Variants in NCR1 observed in about 807,000 individuals in gnomAD.
The protein encoded by NCR1 is NK cell-activating receptor.
Under a neutral mutation model 32.5 loss-of-function variants are expected in NCR1, and 30 were observed. The observed-to-expected ratio is 0.92, with a 90% CI of 0.69 to 1.25. NCR1 has a LOEUF of 1.25. NCR1 is among the 50% of genes most tolerant of loss of function. The pLI is 0.00. For missense variants in NCR1, 369 were observed against 380.7 expected (o/e 0.97, Z 0.26); for synonymous variants, 169 against 143.4 (o/e 1.18, Z -1.28).
chr19:54,918,185 G>A (rs1473360965), downstream of NCR1, among the ~76,000 whole-genome samples: 1 of 151,998 alleles, frequency 6.6e-6, no homozygotes. Context: ...TCCCGCCTCG[G>A]CCTCTCAAAG....
At chr19:54,920,258 C>T (rs1260467229), downstream of NCR1, among the ~76,000 whole-genome samples, 1 of 152,086 alleles carries the variant, frequency 6.6e-6, no homozygotes, top group Non-Finnish European at 1.5e-5. Context: ...GTGATTTTGT[C>T]CCCATGGGGG....
intron 1 of NCR1, 33 bp from the exon 2 acceptor site, chr19:54,906,266 G>A (rs1182815415): frequency 4.3e-6 from 7 of 1,614,138 alleles, no homozygotes; most frequent in African/African-American, 1.3e-5. Context: ...GTGTGCCTGG[G>A]AGGCAACAGG....
chr19:54,934,612 T>C, the NCR1 span: 48 of 1,613,892 alleles, frequency 3.0e-5, no homozygotes, highest in East Asian at 2.0e-4. The surrounding 1 kb of genome is among the most constrained non-coding windows in gnomAD (Gnocchi z 6.7). Context: ...TTTGAGGACA[T>C]AGAAGAATTC....
At chr19:54,918,975 A>C (rs1051827671), downstream of NCR1, among the ~76,000 whole-genome samples, 1 of 141,516 alleles carries the variant, frequency 7.1e-6, no homozygotes, top group African/African-American at 2.9e-5. Flanking sequence ...CAAGAGCAAA[A>C]CTGTCTTAAA....
At chr19:54,899,606 C>G in the NCR1 span, among the ~76,000 whole-genome samples, 1 of 151,912 alleles carries the variant, frequency 6.6e-6, no homozygotes, top group African/African-American at 2.4e-5. Flanking sequence ...ATTCTTGCCC[C>G]CTAGAAAAGC....
chr19:54,922,214 T>A, the NCR1 span, among the ~76,000 whole-genome samples: 1 of 152,054 alleles, frequency 6.6e-6, no homozygotes, highest in Non-Finnish European at 1.5e-5. Flanking sequence ...AATAGTCTCA[T>A]CACCTACCGC....
chr19:54,916,700 C>CTGTTT (rs1378103452), downstream of NCR1, among the ~76,000 whole-genome samples: 1 of 106,482 alleles, frequency 9.4e-6, no homozygotes, highest in Non-Finnish European at 1.9e-5. Flanking sequence ...ATCAACTGTT[C>CTGTTT]TATTTTTTTT....
At chr19:54,916,372 G>A (rs2146106054), downstream of NCR1, among the ~76,000 whole-genome samples, 1 of 141,912 alleles carries the variant, frequency 7.0e-6, no homozygotes, top group African/African-American at 2.7e-5. Flanking sequence ...CCAGGCTGGA[G>A]TGCAGTGGCG....
chr19:54,898,558 G>C, the NCR1 span, among the ~76,000 whole-genome samples: 1 of 152,166 alleles, frequency 6.6e-6, no homozygotes. Flanking sequence ...TCTTGTTGTG[G>C]GGTTTGAGGG....
At chr19:54,933,336 A>G in the NCR1 span, among the ~76,000 whole-genome samples, 2 of 152,000 alleles carry the variant, frequency 1.3e-5, no homozygotes, top group East Asian at 3.9e-4. Flanking sequence ...TAGTACAGAC[A>G]GGGTTTCACC....
chr19:54,900,196 C>A, the NCR1 span, among the ~76,000 whole-genome samples: 3 of 152,168 alleles, frequency 2.0e-5, no homozygotes, highest in South Asian at 4.2e-4. Flanking sequence ...CACTCACGTC[C>A]GTGTGAAGAG....
At chr19:54,922,851 G>A in the NCR1 span, among the ~76,000 whole-genome samples, 4 of 149,084 alleles carry the variant, frequency 2.7e-5, no homozygotes, top group Non-Finnish European at 5.9e-5. Context: ...AACGCCCAGC[G>A]ACAGAGACAC....
chr19:54,913,025 C>A lies in NCR1; in HGVS notation c.*154C>A. On this transcript the variant is annotated 3_prime_UTR_variant, in exon 7 of 7. Coordinates refer to ENST00000291890, the MANE Select transcript of NCR1 (RefSeq NM_004829.7). ...ATTTGTCAGAGCATCCCGGACGATG[C>A]AGAGGGTGGGAGAACTACATGCTAA... is the stretch of plus-strand genomic sequence containing the variant. The A allele has an allele frequency of 3.1e-6, 2 of 638,562 alleles. No individual in the cohort carries two copies. The highest frequency in any genetic ancestry group is 1.9e-5 in the African/African-American group (1 of 53,622). The allele number at this position is 638,562 out of a possible 1,614,324, so 39.6% of individuals were successfully genotyped here.
At chr19:54,930,748 C>G in the NCR1 span, 1 of 1,144,360 alleles carries the variant, frequency 8.7e-7, no homozygotes, top group South Asian at 1.2e-5. Flanking sequence ...CACTATATAC[C>G]TTCCACTTAT....
upstream of NCR1, among the ~76,000 whole-genome samples, chr19:54,903,444 A>G (rs587771814): frequency 3.5e-3 from 439 of 126,394 alleles, 5 homozygotes; most frequent in African/African-American, 0.012. Context: ...GCATACATGT[A>G]TGTATATACA....
At chr19:54,920,003 A>G (rs2146116616), downstream of NCR1, among the ~76,000 whole-genome samples, 1 of 152,354 alleles carries the variant, frequency 6.6e-6, no homozygotes, top group Middle Eastern at 3.4e-3. Context: ...TAATATTGGA[A>G]TAAAAAGTAA....
At chr19:54,936,470 A>G in the NCR1 span, 1 of 1,539,314 alleles carries the variant, frequency 6.5e-7, no homozygotes, top group Non-Finnish European at 9.0e-7. Flanking sequence ...GGAGTGATTA[A>G]TACTCACATT....
At chr19:54,934,352 C>T in the NCR1 span, 1 of 871,232 alleles carries the variant, frequency 1.1e-6, no homozygotes, top group Non-Finnish European at 2.0e-6. The surrounding 1 kb of genome is among the most constrained non-coding windows in gnomAD (Gnocchi z 6.7). Flanking sequence ...CAGGCAGGAG[C>T]CACCGTGCCG....
chr19:54,898,974 A>T, the NCR1 span, among the ~76,000 whole-genome samples: 2 of 152,040 alleles, frequency 1.3e-5, no homozygotes, highest in Non-Finnish European at 2.9e-5. Context: ...CGGCCTGGCG[A>T]GGAGGGGAGA....
Sources: gnomAD v4.1 joint callset for allele counts (sites outside exome capture counted in the v4.1 genomes callset) on GRCh38, gnomAD v4.1.1 for gene constraint, Gnocchi (gnomAD v3.1) non-coding constraint, MANE v1.5 for transcripts, NCBI Gene and HGNC (gene_info 2026-07-23, HGNC 2026-07-21) for gene names.